The following ZNHIT6 variants were observed in gnomAD, a reference collection of about 807,000 sequenced individuals.
ZNHIT6 encodes the protein box C/D snoRNA protein 1.
ZNHIT6 carries 45 observed loss-of-function variants against 57.2 expected under a neutral mutation model. That is an observed-to-expected ratio of 0.79 (90% CI 0.62 to 1.01). The LOEUF (loss-of-function observed/expected upper bound fraction) is 1.01. Among genes scored for constraint, ZNHIT6 ranks in the 50% least tolerant of loss-of-function variants. The pLI, the probability that ZNHIT6 is intolerant of heterozygous loss-of-function variation, is 0.00. For synonymous variants in ZNHIT6, 188 were observed against 190.0 expected (o/e 0.99, Z 0.09); for missense variants, 528 against 567.3 (o/e 0.93, Z 0.70).
rs557456261 is a variant in ZNHIT6, at chr1:85,659,494, T to C, written c.1248-1523A>G. Among the ~76,000 whole-genome samples the C allele has an allele frequency of 3.5e-4, 54 of 152,342 alleles. No individual in the cohort carries two copies. In the Middle Eastern group the frequency reaches 0.014, roughly 38 times the overall value. On this transcript the variant is annotated intron_variant, in intron 8 of 9. Coordinates refer to ENST00000370574, the MANE Select transcript of ZNHIT6 (RefSeq NM_017953.4). The stretch of plus-strand genomic sequence containing the variant: ...ACATATCTCATGAGATCCAGCCTAA[T>C]GGCTGTAACTCCATCCTTTTATCTC...
chr1:85,686,574 C>A (rs1264180553), intron 5 of ZNHIT6, among the ~76,000 whole-genome samples: 1 of 151,996 alleles, frequency 6.6e-6, no homozygotes, highest in Non-Finnish European at 1.5e-5. Context: ...CACTCCAACA[C>A]TGATTAACCA....
At chr1:85,662,880 T>C (rs1031170112) in intron 8 of ZNHIT6, among the ~76,000 whole-genome samples, 19 of 152,200 alleles carry the variant, frequency 1.2e-4, no homozygotes, top group Admixed American at 1.2e-3. Context: ...ATTTAAACTA[T>C]GGATGTGGTT....
At chr1:85,659,614 C>G (rs1661170022) in intron 8 of ZNHIT6, among the ~76,000 whole-genome samples, 1 of 152,180 alleles carries the variant, frequency 6.6e-6, no homozygotes, top group South Asian at 2.1e-4. Context: ...GTAAATCATT[C>G]ACAAACTTTG....
At chr1:85,697,601 A>T (rs1266928726) in intron 5 of ZNHIT6, among the ~76,000 whole-genome samples, 3 of 152,162 alleles carry the variant, frequency 2.0e-5, no homozygotes, top group African/African-American at 7.2e-5. Context: ...ACACCATAAA[A>T]CTACTATAAT....
intron 8 of ZNHIT6, among the ~76,000 whole-genome samples, chr1:85,670,970 AAC>A (rs150125200): frequency 0.038 from 5,772 of 152,272 alleles, 189 homozygotes; most frequent in East Asian, 0.15. Flanking sequence ...TTAAATTCGA[AAC>A]ACACACATCA....
At chr1:85,673,685 A>T (rs1455753053) in intron 8 of ZNHIT6, among the ~76,000 whole-genome samples, 1 of 152,206 alleles carries the variant, frequency 6.6e-6, no homozygotes, top group Non-Finnish European at 1.5e-5. Flanking sequence ...CTTATCTTAA[A>T]TTAGAGCTTA....
chr1:85,691,335 A>G lies in ZNHIT6; in HGVS notation c.1020-10431T>C, dbSNP rs565340156. Among the ~76,000 whole-genome samples the G allele has an allele frequency of 2.8e-3, 433 of 152,376 alleles. 2 individuals are homozygous for G. The highest frequency in any genetic ancestry group is 9.8e-3 in the African/African-American group (407 of 41,598). On this transcript the variant is annotated intron_variant, in intron 5 of 9. Coordinates refer to ENST00000370574, the MANE Select transcript of ZNHIT6 (RefSeq NM_017953.4). ...AAGATGACTTACTCTGTTTTGTTTA[A>G]TGAGGAATACTTGAAATGAATTATA...
intron 5 of ZNHIT6, among the ~76,000 whole-genome samples, chr1:85,681,615 T>C (rs1023736086): frequency 2.0e-5 from 3 of 152,200 alleles, no homozygotes; most frequent in Non-Finnish European, 4.4e-5. Context: ...TTTCTAACAA[T>C]CCATTAGAGC....
At chr1:85,668,518 G>A (rs1041281977) in intron 8 of ZNHIT6, among the ~76,000 whole-genome samples, 2 of 152,112 alleles carry the variant, frequency 1.3e-5, no homozygotes, top group African/African-American at 4.8e-5. Context: ...AAAGACATCT[G>A]AAAATAGTTA....
In ZNHIT6 at chr1:85,654,079, C is replaced by G; in HGVS notation, c.1392G>C (p.Lys464Asn). ...VLHQVKSESTKNVGNEN is the reference protein window; with the variant it reads ...VLHQVKSESTNNVGNEN ...ATGCTCAATTTTCATTGCCAACGTTCTTGGTAGATTCACTCTTCACTAGAA... is the reference window on the plus strand; with the variant it reads ...ATGCTCAATTTTCATTGCCAACGTTGTTGGTAGATTCACTCTTCACTAGAA... Residue 464 changes from lysine to asparagine, a missense_variant, in exon 10 of 10, where the codon AAG (lysine) becomes AAC (asparagine). By Grantham distance (94) the Lys-to-Asn change is moderately conservative (BLOSUM62 0). Coordinates refer to ENST00000370574, the MANE Select transcript of ZNHIT6 (RefSeq NM_017953.4). 3.7e-6 allele frequency: 6 copies of G among 1,612,348 alleles called. No individual in the cohort carries two copies. Among genetic ancestry groups the G allele is most frequent in the Non-Finnish European group, 4.2e-6 (5 of 1,179,336 alleles).
intron 5 of ZNHIT6, among the ~76,000 whole-genome samples, chr1:85,698,508 G>A (rs905343618): frequency 6.6e-6 from 1 of 152,038 alleles, no homozygotes; most frequent in Non-Finnish European, 1.5e-5. Context: ...TTATAGAAAA[G>A]TTACAAAAAC....
intron 8 of ZNHIT6, among the ~76,000 whole-genome samples, chr1:85,676,135 G>C (rs913734961): frequency 1.3e-5 from 2 of 152,080 alleles, no homozygotes; most frequent in Admixed American, 6.5e-5. Flanking sequence ...TCGGGAGTTT[G>C]AGACCAGCCT....
In ZNHIT6 at chr1:85,707,896, G is replaced by T. The variant is rs774189809; in HGVS notation, c.389C>A (p.Ala130Glu). The T allele has an allele frequency of 5.6e-6, 9 of 1,613,364 alleles. No individual in the cohort carries two copies. Among genetic ancestry groups the T allele is most frequent in the African/African-American group, 1.3e-5 (1 of 74,600 alleles). The part of the protein sequence containing the change: ...ETDSSLVVKE[A>E]KVGEPEVKEE... ...CTTTACCTCTGGTTCACCCACCTTC[G>T]CTTCTTTTACCACTAAACTACTATC... is the stretch of plus-strand genomic sequence containing the variant. Residue 130 changes from alanine to glutamate, a missense_variant, in exon 1 of 10, where the codon GCG becomes GAG. Transcript: ENST00000370574.
chr1:85,685,952 T>G (rs1379241125), intron 5 of ZNHIT6, among the ~76,000 whole-genome samples: 1 of 151,702 alleles, frequency 6.6e-6, no homozygotes, highest in Non-Finnish European at 1.5e-5. Flanking sequence ...AATTTTAACA[T>G]TCTTTTTTTT....
chr1:85,689,174 A>C (rs1662145126), intron 5 of ZNHIT6, among the ~76,000 whole-genome samples: 1 of 152,220 alleles, frequency 6.6e-6, no homozygotes, highest in African/African-American at 2.4e-5. Flanking sequence ...TCAGCTATAA[A>C]ATCTTAATTT....
chr1:85,707,929 T>C lies in ZNHIT6; in HGVS notation c.356A>G (p.Gln119Arg). ...DENAGVLEVK[Q>R]ETDSSLVVKE... ...TACCACTAAACTACTATCCGTCTCC[T>C]GCTTCACCTCCAATACGCCTGCGTT... Residue 119 changes from glutamine to arginine, a missense_variant, in exon 1 of 10, where the codon CAG becomes CGG. Coordinates refer to ENST00000370574, the MANE Select transcript of ZNHIT6 (RefSeq NM_017953.4). 1 of 1,611,748 alleles carries C rather than the reference T, an allele frequency of 6.2e-7. No individual in the cohort carries two copies. The highest frequency in any genetic ancestry group is 8.5e-7 in the Non-Finnish European group (1 of 1,178,764).
At chr1:85,682,260 G>A (rs909112370) in intron 5 of ZNHIT6, among the ~76,000 whole-genome samples, 4 of 149,184 alleles carry the variant, frequency 2.7e-5, no homozygotes, top group Non-Finnish European at 4.4e-5. Context: ...TCCTGACCTC[G>A]TGATCCACCT....
At chr1:85,681,732 T>C (rs1007414461) in intron 5 of ZNHIT6, among the ~76,000 whole-genome samples, 2 of 152,180 alleles carry the variant, frequency 1.3e-5, no homozygotes, top group African/African-American at 4.8e-5. Flanking sequence ...CAAACATCTA[T>C]ATGATTTAGT....
intron 5 of ZNHIT6, among the ~76,000 whole-genome samples, chr1:85,687,182 C>T (rs891659050): frequency 6.7e-6 from 1 of 149,248 alleles, no homozygotes; most frequent in South Asian, 2.1e-4. Context: ...CAGCAGGCTG[C>T]GGCAGAAGAA....
Sources: allele counts gnomAD v4.1 joint callset (sites outside exome capture counted in the v4.1 genomes callset), GRCh38; gene constraint gnomAD v4.1.1; transcripts MANE v1.5; gene names NCBI Gene and HGNC (gene_info 2026-07-23, HGNC 2026-07-21).